The following SMAP2 variants were observed in gnomAD, a reference collection of about 807,000 sequenced individuals.
The protein encoded by SMAP2 is small ArfGAP2.
SMAP2 carries 25 observed loss-of-function variants against 56.4 expected under a neutral mutation model. That is an observed-to-expected ratio of 0.44 (90% CI 0.32 to 0.62). SMAP2 has a LOEUF of 0.62. Ranked by LOEUF, SMAP2 falls within the 20% of genes least tolerant of loss-of-function variation. The pLI is 0.04. For synonymous variants in SMAP2, 157 were observed against 181.7 expected (o/e 0.86, Z 1.09); for missense variants, 388 against 545.6 (o/e 0.71, Z 2.88).
intron 1 of SMAP2, among the ~76,000 whole-genome samples, chr1:40,397,736 G>A (rs1177432357): frequency 2.6e-5 from 4 of 152,090 alleles, no homozygotes; most frequent in South Asian, 2.1e-4. Context: ...TAAGCAACTC[G>A]AACAAGATAT....
At chr1:40,392,762 T>G in intron 1 of SMAP2, among the ~76,000 whole-genome samples, 1 of 152,110 alleles carries the variant, frequency 6.6e-6, no homozygotes, top group Admixed American at 6.5e-5. Flanking sequence ...AATCTAAAAC[T>G]TAAATCCACA....
At chr1:40,407,906 C>T (rs1557455008) in intron 2 of SMAP2, among the ~76,000 whole-genome samples, 1 of 152,116 alleles carries the variant, frequency 6.6e-6, no homozygotes, top group Non-Finnish European at 1.5e-5. Context: ...AAGAGCTGTA[C>T]CTTGATATAG....
At chr1:40,347,259 T>G (rs74881378) in intron 1 of SMAP2, among the ~76,000 whole-genome samples, 12 of 136,166 alleles carry the variant, frequency 8.8e-5, no homozygotes, top group African/African-American at 1.9e-4. Flanking sequence ...TTGTTTTTTT[T>G]TTTTTTTTTA....
At chr1:40,404,627 A>G (rs1644868221) in intron 1 of SMAP2, among the ~76,000 whole-genome samples, 1 of 152,242 alleles carries the variant, frequency 6.6e-6, no homozygotes, top group African/African-American at 2.4e-5. Flanking sequence ...TAGCAAACAA[A>G]TACATCTTAA....
chr1:40,399,945 A>G (rs1212236476), intron 1 of SMAP2, among the ~76,000 whole-genome samples: 1 of 152,190 alleles, frequency 6.6e-6, no homozygotes, highest in Admixed American at 6.5e-5. Flanking sequence ...CTCATGGTTA[A>G]TTATGCTCTG....
chr1:40,351,476 C>A (rs1358251175), intron 1 of SMAP2, among the ~76,000 whole-genome samples: 1 of 152,064 alleles, frequency 6.6e-6, no homozygotes, highest in Non-Finnish European at 1.5e-5. Context: ...CTCCTTGACT[C>A]CTTAAAGAAA....
chr1:40,384,221 T>C (rs1644631443), intron 1 of SMAP2, among the ~76,000 whole-genome samples: 1 of 152,168 alleles, frequency 6.6e-6, no homozygotes, highest in Non-Finnish European at 1.5e-5. Flanking sequence ...GTGTTTTCTT[T>C]ACAGTTAAGG....
At chr1:40,351,932 C>T (rs568741918) in intron 1 of SMAP2, among the ~76,000 whole-genome samples, 64 of 152,148 alleles carry the variant, frequency 4.2e-4, no homozygotes, top group African/African-American at 1.5e-3. Context: ...GCCACCGTAC[C>T]CAGCCAGATT....
At chr1:40,381,905 G>A (rs1416359507) in intron 1 of SMAP2, among the ~76,000 whole-genome samples, 2 of 152,104 alleles carry the variant, frequency 1.3e-5, no homozygotes, top group Non-Finnish European at 2.9e-5. Flanking sequence ...GTCTAGTGAA[G>A]TGCCAGCAGT....
chr1:40,417,593 C>A (rs539379002), intron 9 of SMAP2, among the ~76,000 whole-genome samples: 1 of 152,076 alleles, frequency 6.6e-6, no homozygotes, highest in Non-Finnish European at 1.5e-5. Context: ...TCATCAAAGA[C>A]ATACTGAGAA....
At chr1:40,415,014 A>G (rs1297946494) in intron 6 of SMAP2, among the ~76,000 whole-genome samples, 1 of 152,058 alleles carries the variant, frequency 6.6e-6, no homozygotes, top group African/African-American at 2.4e-5. Context: ...CCAGCCCCCC[A>G]CTGTGGTGCT....
chr1:40,345,075 T>G (rs1051986210), intron 1 of SMAP2, among the ~76,000 whole-genome samples: 1 of 152,110 alleles, frequency 6.6e-6, no homozygotes, highest in Non-Finnish European at 1.5e-5. Flanking sequence ...AAGACTGACA[T>G]TTATTTGCTT....
At chr1:40,418,060 T>C (rs1162759815) in intron 9 of SMAP2, among the ~76,000 whole-genome samples, 1 of 152,138 alleles carries the variant, frequency 6.6e-6, no homozygotes, top group Non-Finnish European at 1.5e-5. Flanking sequence ...AAAACAGTCA[T>C]GAAGCAGAAG....
intron 1 of SMAP2, among the ~76,000 whole-genome samples, chr1:40,352,540 A>G (rs945704916): frequency 6.7e-6 from 1 of 150,102 alleles, no homozygotes; most frequent in Non-Finnish European, 1.5e-5. Flanking sequence ...AAGTTTTTCT[A>G]TTTTTTTTTA....
intron 1 of SMAP2, among the ~76,000 whole-genome samples, chr1:40,397,158 C>T (rs922128422): frequency 2.0e-5 from 3 of 152,140 alleles, no homozygotes; most frequent in African/African-American, 7.2e-5. Context: ...TTTCATTTTA[C>T]GTTTTCAGAA....
chr1:40,354,767 A>ATTTTTTTTTTTTTTTTTTTT (rs774191085), intron 1 of SMAP2, among the ~76,000 whole-genome samples: 1 of 67,330 alleles, frequency 1.5e-5, no homozygotes, highest in Non-Finnish European at 2.5e-5. Flanking sequence ...AAAACATTGA[A>ATTTTTTTTTTTTTTTTTTTT]TTTTTTTTTT....
At chr1:40,395,952 T>G (rs999028808) in intron 1 of SMAP2, among the ~76,000 whole-genome samples, 1 of 152,186 alleles carries the variant, frequency 6.6e-6, no homozygotes, top group African/African-American at 2.4e-5. Context: ...TCCCTTAACC[T>G]CCTTTTTCCG....
At chr1:40,346,161 C>T (rs1644385264) in intron 1 of SMAP2, among the ~76,000 whole-genome samples, 1 of 150,930 alleles carries the variant, frequency 6.6e-6, no homozygotes, top group Non-Finnish European at 1.5e-5. Flanking sequence ...CTGATATGCC[C>T]ACCAGAATCA....
At chr1:40,347,254 T>G (rs78765473) in intron 1 of SMAP2, among the ~76,000 whole-genome samples, 21 of 147,372 alleles carry the variant, frequency 1.4e-4, no homozygotes, top group South Asian at 2.1e-4. Flanking sequence ...TGTTTTTGTT[T>G]TTTTTTTTTT....
Sources: gnomAD v4.1 joint callset for allele counts (sites outside exome capture counted in the v4.1 genomes callset) on GRCh38, gnomAD v4.1.1 for gene constraint, MANE v1.5 for transcripts, NCBI Gene and HGNC (gene_info 2026-07-23, HGNC 2026-07-21) for gene names.